The following TTC17 variants were observed in gnomAD, a reference collection of about 807,000 sequenced individuals.
TTC17 encodes tetratricopeptide repeat protein 17.
Under a neutral mutation model 143.8 loss-of-function variants are expected in TTC17, and 58 were observed. The ratio of observed to expected loss-of-function variants is 0.40; its 90% CI spans 0.33 to 0.50. The LOEUF is 0.50. Ranked by LOEUF, TTC17 falls within the 20% of genes least tolerant of loss-of-function variation. The probability of loss-of-function intolerance (pLI) is 0.49; values close to 1 mark genes in which losing one functional copy is unlikely to be tolerated. For missense variants in TTC17, 1,273 were observed against 1,392.5 expected, an observed-to-expected ratio of 0.91 and a Z score of 1.37; for synonymous variants, 501 against 497.8, an observed-to-expected ratio of 1.01 and a Z score of -0.09.
At chr11:43,426,195 T>C (rs1349952418) in intron 16 of TTC17, among the ~76,000 whole-genome samples, 1 of 152,220 alleles carries the variant, frequency 6.6e-6, no homozygotes, top group African/African-American at 2.4e-5. Context: ...AACAAATTAA[T>C]AATCAATTCA....
intron 16 of TTC17, among the ~76,000 whole-genome samples, chr11:43,420,921 C>T (rs146889705): frequency 1.3e-5 from 2 of 152,294 alleles, no homozygotes; most frequent in African/African-American, 4.8e-5. Flanking sequence ...AGGATATAAT[C>T]TTCTAAAGCA....
At chr11:43,403,343 C>T (rs897335979) in intron 10 of TTC17, among the ~76,000 whole-genome samples, 1 of 152,170 alleles carries the variant, frequency 6.6e-6, no homozygotes, top group South Asian at 2.1e-4. Context: ...CATATTCATT[C>T]CTTTTCCTTT....
At chr11:43,383,683 T>TA (rs1365499462) in intron 2 of TTC17, among the ~76,000 whole-genome samples, 1 of 152,176 alleles carries the variant, frequency 6.6e-6, no homozygotes, top group Non-Finnish European at 1.5e-5. Context: ...ACTCTATTTT[T>TA]AAAAGAGAAG....
intron 2 of TTC17, among the ~76,000 whole-genome samples, chr11:43,386,529 A>G (rs1158881529): frequency 6.6e-6 from 1 of 152,240 alleles, no homozygotes; most frequent in Non-Finnish European, 1.5e-5. Context: ...ACTTGACTGT[A>G]GTTGATTGAT....
chr11:43,359,193 G>T (rs1590290015), intron 1 of TTC17, 80 bp downstream of exon 1: 9 of 1,435,454 alleles, frequency 6.3e-6, no homozygotes, highest in Middle Eastern at 2.1e-4. Context: ...TGGCTGTTGG[G>T]CTCCGCGCGG....
chr11:43,361,684 TG>T (rs1856111009), intron 1 of TTC17, among the ~76,000 whole-genome samples: 2 of 152,210 alleles, frequency 1.3e-5, no homozygotes. Context: ...CATCGAAAGG[TG>T]GGGACCATCT....
intron 21 of TTC17, among the ~76,000 whole-genome samples, chr11:43,457,949 C>G (rs1212667776): frequency 1.3e-5 from 2 of 152,014 alleles, no homozygotes; most frequent in Admixed American, 6.6e-5. Flanking sequence ...CCTACAGATT[C>G]TAGAAGCTCA....
At chr11:43,362,184 T>C (rs1856141809) in intron 1 of TTC17, among the ~76,000 whole-genome samples, 2 of 150,858 alleles carry the variant, frequency 1.3e-5, no homozygotes, top group Admixed American at 1.3e-4. Flanking sequence ...TGTGTGTGTG[T>C]GTGTGTGTGT....
chr11:43,398,237 A>C, intron 8 of TTC17, 124 bp downstream of exon 8: 1 of 1,204,954 alleles, frequency 8.3e-7, no homozygotes, highest in Non-Finnish European at 1.1e-6. Flanking sequence ...CACTACTGCA[A>C]GTCCTATCCT....
chr11:43,492,392 T>C (rs1028154871), intron 23 of TTC17, among the ~76,000 whole-genome samples: 2 of 152,028 alleles, frequency 1.3e-5, no homozygotes, highest in East Asian at 3.9e-4. Flanking sequence ...TCAACATGAG[T>C]TGAACATTAA....
intron 15 of TTC17, among the ~76,000 whole-genome samples, chr11:43,412,981 G>GACACACACACAC (rs57982323): frequency 9.3e-4 from 130 of 140,474 alleles, no homozygotes; most frequent in African/African-American, 3.2e-3. Flanking sequence ...ACCTAGAATA[G>GACACACACACAC]ACACACACAC....
chr11:43,391,924 G>T lies in TTC17; in HGVS notation c.635G>T (p.Gly212Val), dbSNP rs1857405674. The T allele has an allele frequency of 6.2e-7, 1 of 1,611,232 alleles. No homozygotes were observed. Among genetic ancestry groups the T allele is most frequent in the Non-Finnish European group, 8.5e-7 (1 of 1,179,182 alleles). The change falls in exon 5 of 24, where the codon GGT becomes GTT. Residue 212 changes from glycine (G) to valine (V), a missense_variant. Around this residue, in one of 3 missense-constraint regions of TTC17, gnomAD observed 325 missense variants for 444.2 expected, o/e 0.73. Transcript: ENST00000039989. ...TTAGGAAGGAGTATAGATGACATAG[G>T]TCACCTCATTCATGAAGGCCTACAG... ...KRLGRSIDDI[G>V]HLIHEGLQKN...
intron 16 of TTC17, among the ~76,000 whole-genome samples, chr11:43,425,763 T>G (rs966806540): frequency 2.3e-4 from 35 of 152,208 alleles, no homozygotes; most frequent in African/African-American, 8.4e-4. Flanking sequence ...GCCAGGAAAA[T>G]CTCAGTAATC....
At chr11:43,425,440 G>T (rs1291411243) in intron 16 of TTC17, among the ~76,000 whole-genome samples, 2 of 152,086 alleles carry the variant, frequency 1.3e-5, no homozygotes, top group African/African-American at 4.8e-5. Flanking sequence ...AATTATGTTT[G>T]CTTTGAGACA....
chr11:43,403,242 C>T (rs1857953089), intron 10 of TTC17, among the ~76,000 whole-genome samples: 1 of 152,100 alleles, frequency 6.6e-6, no homozygotes, highest in African/African-American at 2.4e-5. Context: ...AGGAGTGTAG[C>T]TTCCAATAGT....
intron 1 of TTC17, among the ~76,000 whole-genome samples, chr11:43,362,476 C>A (rs902361001): frequency 1.3e-5 from 2 of 152,098 alleles, no homozygotes; most frequent in African/African-American, 4.8e-5. Flanking sequence ...AATGGTACAT[C>A]CTTTGGTGGG....
At position 43,397,958 on chromosome 11, in the gene TTC17, GT is replaced by G; in HGVS notation, c.919-11del. On this transcript the variant is annotated splice_polypyrimidine_tract_variant and intron_variant, in intron 7 of 23. Coordinates refer to ENST00000039989, the MANE Select transcript of TTC17 (RefSeq NM_018259.6). ...TGTGTGTGTGTGTGTGTGTATGTTT[GT>G]TTTTGTCTCTTCAGATGCTTGGGGA... is the stretch of plus-strand genomic sequence containing the variant. 6.7e-7 allele frequency: 1 copy of G among 1,491,670 alleles called. No individual in the cohort carries two copies. The highest frequency in any genetic ancestry group is 9.2e-7 in the Non-Finnish European group (1 of 1,091,720). The allele number at this position is 1,491,670 out of a possible 1,614,324, so 92.4% of individuals were successfully genotyped here.
At chr11:43,362,073 C>T (rs557551579) in intron 1 of TTC17, among the ~76,000 whole-genome samples, 21 of 151,594 alleles carry the variant, frequency 1.4e-4, no homozygotes, top group South Asian at 1.0e-3. Flanking sequence ...CTCCGCCTCC[C>T]GGGTTCAAGT....
At chr11:43,465,314 T>C (rs1247272105) in intron 21 of TTC17, among the ~76,000 whole-genome samples, 1 of 152,224 alleles carries the variant, frequency 6.6e-6, no homozygotes, top group Non-Finnish European at 1.5e-5. Flanking sequence ...ATGTCAAGCT[T>C]TTAGTAAAAT....
Sources: gnomAD v4.1 joint callset for allele counts (sites outside exome capture counted in the v4.1 genomes callset) on GRCh38, gnomAD v4.1.1 for gene constraint, gnomAD v4.1.1 regional missense constraint, MANE v1.5 for transcripts, NCBI Gene and HGNC (gene_info 2026-07-23, HGNC 2026-07-21) for gene names.